Variants in STXBP5 observed in about 807,000 individuals in gnomAD.
STXBP5 encodes syntaxin binding protein 5.
A neutral mutation model predicts 152.4 loss-of-function variants in STXBP5; 50 were observed. That is an observed-to-expected ratio of 0.33 (90% CI 0.26 to 0.42). The LOEUF is 0.42. Ranked by LOEUF, STXBP5 falls within the 10% of genes least tolerant of loss-of-function variation. STXBP5 has a pLI of 1.00. For missense variants in STXBP5, 1,167 were observed against 1,388.6 expected (o/e 0.84, Z 2.54); for synonymous variants, 492 against 494.7 (o/e 0.99, Z 0.07).
intron 2 of STXBP5, among the ~76,000 whole-genome samples, chr6:147,214,882 A>G (rs1184218588): frequency 6.6e-6 from 1 of 152,206 alleles, no homozygotes; most frequent in South Asian, 2.1e-4. Flanking sequence ...GGAGTGTATA[A>G]ATTATAAAAT....
intron 16 of STXBP5, among the ~76,000 whole-genome samples, chr6:147,317,034 T>C (rs777012940): frequency 3.3e-5 from 5 of 152,186 alleles, no homozygotes; most frequent in Non-Finnish European, 7.4e-5. Context: ...ATGAAGACTA[T>C]GTGATTAATA....
intron 25 of STXBP5, among the ~76,000 whole-genome samples, chr6:147,370,584 A>G (rs1166077239): frequency 6.6e-6 from 1 of 151,990 alleles, no homozygotes; most frequent in African/African-American, 2.4e-5. Flanking sequence ...TTTTTTTCAA[A>G]TGGACTATAA....
intron 4 of STXBP5, among the ~76,000 whole-genome samples, chr6:147,240,676 A>G (rs971046109): frequency 2.6e-5 from 4 of 152,240 alleles, no homozygotes; most frequent in East Asian, 3.9e-4. Context: ...AACAACTGTA[A>G]TAACAGTAGA....
chr6:147,387,368 C>T lies in STXBP5; in HGVS notation c.*2613C>T, dbSNP rs1414677011. On this transcript the variant is annotated 3_prime_UTR_variant, in exon 28 of 28. Transcript: ENST00000321680. ...CAGAAAAATGAAAGATTTTTGTGTGCCCTCTCCATATCCTCATTGTTTTTG... is the reference window on the plus strand; with the variant it reads ...CAGAAAAATGAAAGATTTTTGTGTGTCCTCTCCATATCCTCATTGTTTTTG... The T allele has an allele frequency of 1.3e-5, 2 of 151,304 alleles. No homozygotes were observed. Among genetic ancestry groups the T allele is most frequent in the African/African-American group, 4.8e-5 (2 of 41,270 alleles). 9.4% of individuals were successfully genotyped at this position (151,304 alleles called of 1,614,324 possible).
chr6:147,311,909 CA>C (rs1377333562), intron 11 of STXBP5, among the ~76,000 whole-genome samples: 2 of 152,106 alleles, frequency 1.3e-5, no homozygotes, highest in African/African-American at 4.8e-5. Context: ...GTGCTTTTGC[CA>C]GATTCGTTTT....
At chr6:147,384,683 A>T in intron 27 of STXBP5, 31 bp from the exon 28 acceptor site, 1 of 1,597,412 alleles carries the variant, frequency 6.3e-7, no homozygotes, top group Non-Finnish European at 8.6e-7. Flanking sequence ...GGCATTTTAA[A>T]AGCATGTTTT....
intron 19 of STXBP5, among the ~76,000 whole-genome samples, chr6:147,337,192 G>GACACACACACACACACACACACAC (rs61074711): frequency 0.018 from 992 of 53,910 alleles, 16 homozygotes; most frequent in African/African-American, 0.044. Flanking sequence ...CACATACATA[G>GACACACACACACACACACACACAC]ACACACACAC....
intron 16 of STXBP5, among the ~76,000 whole-genome samples, chr6:147,321,623 G>A (rs1256559191): frequency 1.3e-5 from 2 of 152,110 alleles, no homozygotes; most frequent in East Asian, 3.9e-4. Context: ...GTTTCTTTTA[G>A]CAATGAAATT....
intron 2 of STXBP5, among the ~76,000 whole-genome samples, chr6:147,220,815 C>G (rs1777420677): frequency 6.6e-6 from 1 of 152,128 alleles, no homozygotes; most frequent in Admixed American, 6.5e-5. Flanking sequence ...TTTAGATCCA[C>G]TTTGACAATC....
intron 26 of STXBP5, among the ~76,000 whole-genome samples, chr6:147,380,230 G>A (rs1385505946): frequency 6.7e-6 from 1 of 148,448 alleles, no homozygotes; most frequent in African/African-American, 2.5e-5. Context: ...AAAGAAAAAA[G>A]CTGGAGGGAC....
At chr6:147,273,195 T>TAAAAAAAAAAAAAAAAAAAA (rs61153710) in intron 7 of STXBP5, among the ~76,000 whole-genome samples, 1 of 129,308 alleles carries the variant, frequency 7.7e-6, no homozygotes, top group African/African-American at 3.0e-5. Context: ...TCTAAAAAAG[T>TAAAAAAAAAAAAAAAAAAAA]AAAAAAAAAA....
rs1386378549 is a variant in STXBP5 at position 147,235,271 on chromosome 6, A to G, written c.270A>G (p.Glu90=). 2 of 1,613,500 alleles carry G rather than the reference A, an allele frequency of 1.2e-6. No individual in the cohort carries two copies. The highest frequency in any genetic ancestry group is 1.7e-5 in the Admixed American group (1 of 59,986). ...ACAGCTTTGGTCGTCCAGGAGTAGA[A>G]TGTTATTGCCAGCATGACAGTGGAG... ...ALRLFGRPGV[E]CYCQHDSGAA... The change falls in exon 3 of 28, where the codon GAA becomes GAG. Residue 90 remains glutamate, a synonymous_variant. Transcript: ENST00000321680.
intron 4 of STXBP5, among the ~76,000 whole-genome samples, chr6:147,241,856 T>G (rs539785500): frequency 6.6e-6 from 1 of 152,322 alleles, no homozygotes; most frequent in East Asian, 1.9e-4. Flanking sequence ...TCTAAAAGTA[T>G]AGCACATATA....
At chr6:147,347,914 G>A (rs761574239) in intron 21 of STXBP5, among the ~76,000 whole-genome samples, 9 of 152,164 alleles carry the variant, frequency 5.9e-5, no homozygotes, top group Non-Finnish European at 2.9e-5. Context: ...TCAGATGGAT[G>A]TTCAATTAAT....
intron 8 of STXBP5, among the ~76,000 whole-genome samples, chr6:147,278,817 T>C (rs1294459562): frequency 6.6e-6 from 1 of 152,206 alleles, no homozygotes; most frequent in Non-Finnish European, 1.5e-5. Context: ...TATTTTCTTA[T>C]GGAGTCACAC....
chr6:147,358,763 C>T (rs748409387), intron 22 of STXBP5, among the ~76,000 whole-genome samples: 7 of 151,828 alleles, frequency 4.6e-5, no homozygotes, highest in African/African-American at 1.7e-4. Context: ...GAAGAGAAAA[C>T]GTATTTACTA....
intron 26 of STXBP5, among the ~76,000 whole-genome samples, chr6:147,380,493 C>A (rs375550229): frequency 6.7e-6 from 1 of 148,892 alleles, no homozygotes; most frequent in East Asian, 2.0e-4. Flanking sequence ...CAGCTTCACA[C>A]CACACACAAA....
chr6:147,359,495 A>G lies in STXBP5; in HGVS notation c.2545+172A>G, dbSNP rs182090050. Among the ~76,000 whole-genome samples, 252 of 152,162 alleles carry G rather than the reference A, an allele frequency of 1.7e-3. 2 individuals carry two copies. Among genetic ancestry groups the G allele is most frequent in the Non-Finnish European group, 4.4e-4 (30 of 67,978 alleles). Reference sequence around the variant, plus strand: ...ATTATTATACTTTAAGTTTTAGGGTACATGTGCACAATGTGCAGGTTAGTT... The same window carrying G: ...ATTATTATACTTTAAGTTTTAGGGTGCATGTGCACAATGTGCAGGTTAGTT... On this transcript the variant is annotated intron_variant, in intron 23 of 27. Coordinates refer to ENST00000321680, the MANE Select transcript of STXBP5 (RefSeq NM_001127715.4).
At chr6:147,241,753 T>C (rs970826710) in intron 4 of STXBP5, among the ~76,000 whole-genome samples, 5 of 152,182 alleles carry the variant, frequency 3.3e-5, no homozygotes, top group Non-Finnish European at 5.9e-5. Flanking sequence ...AGGGATGTTA[T>C]AGCTGTCATA....
Sources: gnomAD v4.1 joint callset for allele counts (sites outside exome capture counted in the v4.1 genomes callset) on GRCh38, gnomAD v4.1.1 for gene constraint, MANE v1.5 for transcripts, NCBI Gene and HGNC (gene_info 2026-07-23, HGNC 2026-07-21) for gene names.